TRIO: variants seen among roughly 807,000 people sequenced by gnomAD.
The protein encoded by TRIO is trio Rho guanine nucleotide exchange factor.
TRIO carries 58 observed loss-of-function variants against 351.9 expected under a neutral mutation model. That is an observed-to-expected ratio of 0.16 (90% CI 0.13 to 0.21). The LOEUF is 0.21. Ranked by LOEUF, TRIO falls within the 10% of genes least tolerant of loss-of-function variation. The pLI, the probability that TRIO is intolerant of heterozygous loss-of-function variation, is 1.00. For synonymous variants in TRIO, 1,758 were observed against 1,595.7 expected (o/e 1.10, Z -2.42); for missense variants, 3,201 against 4,027.8 (o/e 0.79, Z 5.56).
At chr5:14,431,483 T>G (rs1477998009) in intron 34 of TRIO, among the ~76,000 whole-genome samples, 3 of 152,220 alleles carry the variant, frequency 2.0e-5, no homozygotes, top group African/African-American at 4.8e-5. Flanking sequence ...GAATTCTTTA[T>G]TATTTTTGTC....
chr5:14,475,929 G>C (rs1321178615), intron 40 of TRIO, among the ~76,000 whole-genome samples: 1 of 152,222 alleles, frequency 6.6e-6, no homozygotes, highest in Admixed American at 6.5e-5. Context: ...ATATATTTAA[G>C]TGATAACTAA....
intron 15 of TRIO, 44 bp downstream of exon 15, chr5:14,364,860 C>A (rs1372868882): frequency 1.3e-6 from 2 of 1,564,808 alleles, no homozygotes; most frequent in Non-Finnish European, 1.7e-6. Context: ...GCTACAGATG[C>A]TTGATACCTC....
At chr5:14,216,791 A>G (rs32388) in intron 1 of TRIO, among the ~76,000 whole-genome samples, 131,375 of 152,282 alleles carry the variant, frequency 0.86, 56,821 homozygotes, top group East Asian at 0.99. Context: ...GAACCTGGTC[A>G]GTACAGTTGT....
Position 14,290,756 on chromosome 5 carries a change from A to C in TRIO, c.581A>C (p.Asp194Ala). The change falls in exon 5 of 57, where the codon GAT (aspartate) becomes GCT (alanine). Residue 194 changes from aspartate (D) to alanine (A), a missense_variant. Coordinates refer to ENST00000344204, the MANE Select transcript of TRIO (RefSeq NM_007118.4). Reference protein sequence around the residue: ...VSLEGLTKVVDPSQLTPEFDG... With the variant: ...VSLEGLTKVVAPSQLTPEFDG... Reference sequence around the variant, plus strand: ...TTAGAAGGCCTTACCAAAGTAGTTGATCCTTCTCAGCTAACTCCTGAGTTT... The same window carrying C: ...TTAGAAGGCCTTACCAAAGTAGTTGCTCCTTCTCAGCTAACTCCTGAGTTT... 6.2e-7 allele frequency: 1 copy of C among 1,614,040 alleles called. No homozygotes were observed. Among genetic ancestry groups the C allele is most frequent in the Non-Finnish European group, 8.5e-7 (1 of 1,179,984 alleles).
At chr5:14,333,996 C>T (rs1453978429) in intron 10 of TRIO, among the ~76,000 whole-genome samples, 2 of 152,202 alleles carry the variant, frequency 1.3e-5, no homozygotes, top group Non-Finnish European at 2.9e-5. Flanking sequence ...CACTTTAGTC[C>T]AGTGTCTCAG....
rs1755488903 is a variant in TRIO at position 14,481,230 on chromosome 5, G to T, written c.6337-4G>T. 5.0e-6 allele frequency: 8 copies of T among 1,613,416 alleles called. No homozygotes were observed. Among genetic ancestry groups the T allele is most frequent in the Non-Finnish European group, 6.8e-6 (8 of 1,179,706 alleles). ...TTATCATGTCCTCTCCATTTCCCTTGCAGGACTTCCTCAAGTATTCCAAAA... is the reference window on the plus strand; with the variant it reads ...TTATCATGTCCTCTCCATTTCCCTTTCAGGACTTCCTCAAGTATTCCAAAA... On this transcript the variant is annotated splice_polypyrimidine_tract_variant and splice_region_variant and intron_variant, in intron 43 of 56. Coordinates refer to ENST00000344204, the MANE Select transcript of TRIO (RefSeq NM_007118.4).
intron 6 of TRIO, among the ~76,000 whole-genome samples, chr5:14,295,194 G>C (rs1206492039): frequency 1.3e-5 from 2 of 152,134 alleles, no homozygotes; most frequent in Admixed American, 1.3e-4. Flanking sequence ...ACAAAATAAG[G>C]ATACTAAATA....
Position 14,419,792 on chromosome 5 carries a change from T to C in TRIO, c.4974T>C (p.Cys1658=). Residue 1658 remains cysteine, a synonymous_variant, in exon 34 of 57, where the codon TGT becomes TGC. Transcript: ENST00000344204. ...TLDSDKLSGG[C]ELTVVIHDFT... is the part of the protein sequence containing the mutation. ...GTTCCCCCCAGCTCTCTGGTGGCTG[T>C]GAGCTGACAGTGGTGATCCATGACT... 1 of 1,614,150 alleles carries C rather than the reference T, an allele frequency of 6.2e-7. No homozygotes were observed. Among genetic ancestry groups the C allele is most frequent in the Non-Finnish European group, 8.5e-7 (1 of 1,180,012 alleles).
intron 47 of TRIO, among the ~76,000 whole-genome samples, 161 bp downstream of exon 47, chr5:14,485,407 C>T (rs886274586): frequency 2.0e-5 from 3 of 152,190 alleles, no homozygotes; most frequent in Admixed American, 1.3e-4. Context: ...TCACAACCAC[C>T]CTGTGTGGCC....
rs550687913 is a variant in TRIO, at chr5:14,460,195, C to T, written c.5204-824C>T. On this transcript the variant is annotated intron_variant, in intron 34 of 56. Transcript: ENST00000344204. ...CCTCCCAAAGTGCTGGGATTACAGGCGTGAGCCACCGCGCCCGGCCCCTCA... is the reference window on the plus strand; with the variant it reads ...CCTCCCAAAGTGCTGGGATTACAGGTGTGAGCCACCGCGCCCGGCCCCTCA... Among the ~76,000 whole-genome samples, 10 of 152,338 alleles carry T rather than the reference C, an allele frequency of 6.6e-5. No individual in the cohort carries two copies. In the South Asian group the frequency reaches 8.3e-4, roughly 13 times the overall value.
chr5:14,414,417 C>CAT (rs1579586319), intron 33 of TRIO, among the ~76,000 whole-genome samples: 2 of 152,154 alleles, frequency 1.3e-5, no homozygotes, highest in African/African-American at 4.8e-5. Context: ...TATTTCATTC[C>CAT]AATTCATGTG....
chr5:14,442,714 T>C (rs977335613), intron 34 of TRIO, among the ~76,000 whole-genome samples: 4 of 152,230 alleles, frequency 2.6e-5, no homozygotes, highest in African/African-American at 9.6e-5. Context: ...ATTCCTGCAC[T>C]GGGTGGGTTA....
chr5:14,202,058 G>A (rs990411258), intron 1 of TRIO, among the ~76,000 whole-genome samples: 2 of 151,462 alleles, frequency 1.3e-5, no homozygotes, highest in Non-Finnish European at 2.9e-5. Flanking sequence ...CATGGCACAT[G>A]TATACATATG....
At chr5:14,425,149 G>A (rs372448180) in intron 34 of TRIO, among the ~76,000 whole-genome samples, 1 of 152,158 alleles carries the variant, frequency 6.6e-6, no homozygotes, top group Non-Finnish European at 1.5e-5. Context: ...TTATGCAGCC[G>A]TCATTACCAT....
chr5:14,461,286 C>T lies in TRIO; in HGVS notation c.5471C>T (p.Thr1824Ile). Residue 1824 changes from threonine to isoleucine, a missense_variant, in exon 35 of 57, where the codon ACC becomes ATC. Coordinates refer to ENST00000344204, the MANE Select transcript of TRIO (RefSeq NM_007118.4). ...SQKDSDDSAATPQDETVEERG... is the reference protein window; with the variant it reads ...SQKDSDDSAAIPQDETVEERG... ...AAGGACTCCGACGACAGTGCGGCCA[C>T]CCCGCAGGACGAGACGGTCGAGGAG... The T allele has an allele frequency of 1.9e-6, 3 of 1,591,362 alleles. No homozygotes were observed. The highest frequency in any genetic ancestry group is 2.3e-5 in the East Asian group (1 of 44,236).
intron 31 of TRIO, among the ~76,000 whole-genome samples, chr5:14,403,219 TGTG>T (rs200778665): frequency 0.093 from 4,719 of 50,486 alleles, 162 homozygotes; most frequent in Middle Eastern, 0.18. Flanking sequence ...GGGTGCAGGT[TGTG>T]GTGAGGGTGT....
chr5:14,207,260 T>TACACACACACA (rs1791513469), intron 1 of TRIO, among the ~76,000 whole-genome samples: 1 of 71,508 alleles, frequency 1.4e-5, no homozygotes, highest in African/African-American at 6.1e-5. Flanking sequence ...CAAGATGGTC[T>TACACACACACA]CTACACACAC....
At chr5:14,260,683 A>G (rs901635692) in intron 1 of TRIO, among the ~76,000 whole-genome samples, 6 of 152,228 alleles carry the variant, frequency 3.9e-5, no homozygotes, top group African/African-American at 1.4e-4. Flanking sequence ...TTTATATTCT[A>G]TATTAATAGG....
At chr5:14,396,997 G>A in intron 28 of TRIO, 46 bp from the exon 29 acceptor site, 1 of 1,525,932 alleles carries the variant, frequency 6.6e-7, no homozygotes. Flanking sequence ...CTTATTGGCA[G>A]AGCATTCTGC....
Sources: allele counts gnomAD v4.1 joint callset (sites outside exome capture counted in the v4.1 genomes callset), GRCh38; gene constraint gnomAD v4.1.1; transcripts MANE v1.5; gene names NCBI Gene and HGNC (gene_info 2026-07-23, HGNC 2026-07-21).